The following ZNF606 variants were observed in gnomAD, a reference collection of about 807,000 sequenced individuals.
The protein encoded by ZNF606 is zinc finger protein 328.
In ZNF606, 37 loss-of-function variants were observed where a neutral mutation model predicts 74.9. The ratio of observed to expected loss-of-function variants is 0.49; its 90% confidence interval spans 0.38 to 0.65. The LOEUF is 0.65. Among genes scored for constraint, ZNF606 ranks in the 30% least tolerant of loss-of-function variants. The pLI, the probability that ZNF606 is intolerant of heterozygous loss-of-function variation, is 0.00. For missense variants in ZNF606, 852 were observed against 952.9 expected (o/e 0.89, Z 1.39); for synonymous variants, 328 against 312.4 (o/e 1.05, Z -0.53).
At chr19:57,985,853 G>C (rs1417130146) in intron 6 of ZNF606, among the ~76,000 whole-genome samples, 1 of 152,016 alleles carries the variant, frequency 6.6e-6, no homozygotes, top group Non-Finnish European at 1.5e-5. Flanking sequence ...ACAATCGCTT[G>C]AACCCAGGAG....
At chr19:57,987,968 C>T (rs1332855822) in intron 6 of ZNF606, among the ~76,000 whole-genome samples, 2 of 152,074 alleles carry the variant, frequency 1.3e-5, no homozygotes, top group Non-Finnish European at 2.9e-5. Flanking sequence ...TTAGAGGCAA[C>T]CTTAGAGGAA....
chr19:58,000,552 GCA>G, intron 3 of ZNF606, 129 bp downstream of exon 3: 1 of 998,530 alleles, frequency 1.0e-6, no homozygotes, highest in South Asian at 1.3e-5. Context: ...TTCCAGCTCT[GCA>G]CAGAGACAGA....
At chr19:57,980,762 G>A (rs1388672772) in intron 6 of ZNF606, among the ~76,000 whole-genome samples, 1 of 151,354 alleles carries the variant, frequency 6.6e-6, no homozygotes, top group Non-Finnish European at 1.5e-5. Flanking sequence ...ATGAACCCGG[G>A]AGGCAGAGCT....
chr19:57,993,671 C>T (rs2073293996), intron 4 of ZNF606, among the ~76,000 whole-genome samples: 1 of 152,232 alleles, frequency 6.6e-6, no homozygotes, highest in Non-Finnish European at 1.5e-5. Context: ...TCCCAGGAGC[C>T]TCCTCAGACT....
chr19:58,003,196 G>C, upstream of ZNF606: 1 of 456,422 alleles, frequency 2.2e-6, no homozygotes, highest in South Asian at 1.5e-5. Context: ...AGTGACTGCT[G>C]TTATTCTCTT....
intron 6 of ZNF606, among the ~76,000 whole-genome samples, chr19:57,981,290 T>C (rs1443292205): frequency 9.9e-5 from 15 of 152,180 alleles, no homozygotes; most frequent in Admixed American, 9.8e-4. Flanking sequence ...ATGCACCTTT[T>C]TCCTTTGCTG....
chr19:57,987,385 A>C (rs1323756065), intron 6 of ZNF606, among the ~76,000 whole-genome samples: 1 of 152,138 alleles, frequency 6.6e-6, no homozygotes, highest in Non-Finnish European at 1.5e-5. Context: ...CTAGGACCAC[A>C]GACATGCACC....
At chr19:57,980,336 G>A (rs2073065961) in intron 6 of ZNF606, 57 bp from the exon 7 acceptor site, 3 of 1,509,408 alleles carry the variant, frequency 2.0e-6, no homozygotes, top group Non-Finnish European at 1.8e-6. Flanking sequence ...AGAATAAAGT[G>A]GGAATGGTGA....
At position 58,000,757 on chromosome 19, in the gene ZNF606, G is replaced by A. The variant is rs2073413656; in HGVS notation, c.32-18C>T. On this transcript the variant is annotated intron_variant, in intron 2 of 6. Coordinates refer to ENST00000551380, the MANE Select transcript of ZNF606 (RefSeq NM_001348022.3). ...AAGGGCACCTGCACAGAAGGATCAGGTTAGGACTGTGACACCAAACCTAGT... is the reference window on the plus strand; with the variant it reads ...AAGGGCACCTGCACAGAAGGATCAGATTAGGACTGTGACACCAAACCTAGT... 1.9e-6 allele frequency: 3 copies of A among 1,550,684 alleles called. No homozygotes were observed. The highest frequency in any genetic ancestry group is 2.6e-6 in the Non-Finnish European group (3 of 1,144,328).
chr19:57,996,019 C>T (rs999979358), intron 4 of ZNF606, among the ~76,000 whole-genome samples: 5 of 152,120 alleles, frequency 3.3e-5, no homozygotes, highest in African/African-American at 9.7e-5. Context: ...TTCCTTTTTA[C>T]ACTTCTCTGT....
intron 4 of ZNF606, among the ~76,000 whole-genome samples, chr19:57,989,666 C>T (rs1201304407): frequency 6.6e-6 from 1 of 151,602 alleles, no homozygotes; most frequent in East Asian, 2.0e-4. Context: ...AGGCTGGTCT[C>T]GAACTCCTGA....
chr19:57,997,341 T>G (rs1404496312), intron 4 of ZNF606: 1 of 152,238 alleles, frequency 6.6e-6, no homozygotes, highest in African/African-American at 2.4e-5. Context: ...AACCTCACTA[T>G]TCAACATACT....
At chr19:57,991,087 G>A (rs1177531374) in intron 4 of ZNF606, among the ~76,000 whole-genome samples, 7 of 152,060 alleles carry the variant, frequency 4.6e-5, no homozygotes, top group Non-Finnish European at 1.0e-4. Context: ...AAGGTACAGT[G>A]CACCCTCGCC....
upstream of ZNF606, chr19:58,003,250 C>T (rs528241310): frequency 5.9e-5 from 27 of 456,750 alleles, no homozygotes; most frequent in East Asian, 1.7e-3. Context: ...CTGTGAAGCT[C>T]GACGGCTGAG....
chr19:57,999,908 G>GA lies in ZNF606; in HGVS notation c.89-13dup, dbSNP rs755744680. 1.2e-6 allele frequency: 2 copies of GA among 1,611,656 alleles called. No individual in the cohort carries two copies. The highest frequency in any genetic ancestry group is 1.7e-6 in the Non-Finnish European group (2 of 1,179,324). On this transcript the variant is annotated splice_polypyrimidine_tract_variant and intron_variant, in intron 3 of 6. Coordinates refer to ENST00000551380, the MANE Select transcript of ZNF606 (RefSeq NM_001348022.3). ...CTGAGGACACAGAGCTAGGAAACGA[G>GA]AAAAAAGTCATGGAGGCAGCTCTCG...
intron 1 of ZNF606, chr19:58,002,097 C>A: frequency 2.3e-6 from 1 of 443,396 alleles, no homozygotes. Context: ...CCGGAATCAG[C>A]GCGAAAACGC....
At position 57,980,297 on chromosome 19, in the gene ZNF606, A is replaced by C. The variant is rs1188736474; in HGVS notation, c.401-18T>G. 1 of 1,584,916 alleles carries C rather than the reference A, an allele frequency of 6.3e-7. No individual in the cohort carries two copies. Among genetic ancestry groups the C allele is most frequent in the African/African-American group, 1.4e-5 (1 of 73,746 alleles). On this transcript the variant is annotated intron_variant, in intron 6 of 6. Coordinates refer to ENST00000551380, the MANE Select transcript of ZNF606 (RefSeq NM_001348022.3). ...CACCCATTCTGAAACAGACAGAAAA[A>C]AAGCTATGAGAGCATAGAGAAAGAC...
At chr19:57,987,251 T>G (rs537788325) in intron 6 of ZNF606, among the ~76,000 whole-genome samples, 1 of 152,192 alleles carries the variant, frequency 6.6e-6, no homozygotes, top group East Asian at 1.9e-4. Context: ...GAGTTATTTT[T>G]GGTGGTGTTT....
rs1415275109 is a variant in ZNF606, at chr19:58,002,497, G to C, written c.-153C>G. 3 of 451,320 alleles carry C rather than the reference G, an allele frequency of 6.6e-6. No individual in the cohort carries two copies. In the Admixed American group the frequency reaches 7.2e-5, roughly 11 times the overall value. The allele number at this position is 451,320 out of a possible 1,614,324, so 28.0% of individuals were successfully genotyped here. On this transcript the variant is annotated 5_prime_UTR_variant, in exon 1 of 7. Coordinates refer to ENST00000551380, the MANE Select transcript of ZNF606 (RefSeq NM_001348022.3). ...TGTCCCGCGCCGAGGTCCGGCCCAG[G>C]AGTGCGCTTGGGAGCTCCCGGCGCG...
Sources: allele counts gnomAD v4.1 joint callset (sites outside exome capture counted in the v4.1 genomes callset), GRCh38; gene constraint gnomAD v4.1.1; transcripts MANE v1.5; gene names NCBI Gene and HGNC (gene_info 2026-07-23, HGNC 2026-07-21).